Variants in PRKN observed in about 807,000 individuals in gnomAD.
PRKN encodes E3 ubiquitin-protein ligase parkin.
In PRKN, 56 loss-of-function variants were observed where a neutral mutation model predicts 59.5. The observed-to-expected ratio is 0.94, with a 90% CI of 0.76 to 1.18. The LOEUF is 1.18. Among genes scored for constraint, PRKN ranks in the 50% most tolerant of loss-of-function variants. The pLI is 0.00. For missense variants in PRKN, 657 were observed against 596.4 expected, an observed-to-expected ratio of 1.10 and a Z score of -1.06; for synonymous variants, 250 against 222.1, an observed-to-expected ratio of 1.13 and a Z score of -1.12.
intron 1 of PRKN, among the ~76,000 whole-genome samples, chr6:162,561,429 C>T (rs1342195518): frequency 1.3e-5 from 2 of 152,030 alleles, no homozygotes; most frequent in South Asian, 2.1e-4. Context: ...GTTCGTCCCC[C>T]GACCCCGCAA....
Position 161,605,301 on chromosome 6 carries a change from G to A in PRKN, c.872-35885C>T, listed in dbSNP as rs75962702. On this transcript the variant is annotated intron_variant, in intron 7 of 11. Transcript: ENST00000366898. The stretch of plus-strand genomic sequence containing the variant: ...AAAACATATATACAGCTATGTACCC[G>A]TATGTGTATATGTGCATATATATTA... Among the ~76,000 whole-genome samples, 950 of 152,154 alleles carry A rather than the reference G, an allele frequency of 6.2e-3. 23 individuals are homozygous for A. In the East Asian group the frequency reaches 0.072, roughly 12 times the overall value.
intron 5 of PRKN, among the ~76,000 whole-genome samples, chr6:161,989,990 C>T (rs1474557352): frequency 1.3e-5 from 2 of 152,248 alleles, no homozygotes; most frequent in Non-Finnish European, 2.9e-5. Context: ...CTGGTGCCTG[C>T]ATATGCTGAC....
intron 6 of PRKN, among the ~76,000 whole-genome samples, chr6:161,812,263 T>C (rs1330986284): frequency 6.6e-6 from 1 of 151,882 alleles, no homozygotes; most frequent in East Asian, 1.9e-4. Flanking sequence ...TGTGGTGGTG[T>C]TTGCCTGTAG....
Position 161,548,221 on chromosome 6 carries a change from A to G in PRKN, c.1083+633T>C, listed in dbSNP as rs1779863452. On this transcript the variant is annotated intron_variant, in intron 9 of 11. Transcript: ENST00000366898. This position sits in a 1 kb window ranked among gnomAD's most constrained non-coding sequence, Gnocchi z 4.2. ...TAGTAAGCCTTTTTGTGTTTGAGTT[A>G]TGCTTCTTCCCCCCTTGAGCCATCA... Among the ~76,000 whole-genome samples, 1 of 152,134 alleles carries G rather than the reference A, an allele frequency of 6.6e-6. No homozygotes were observed. Among genetic ancestry groups the G allele is most frequent in the African/African-American group, 2.4e-5 (1 of 41,436 alleles).
chr6:162,561,652 T>C lies in PRKN; in HGVS notation c.8-118179A>G, dbSNP rs74638000. The stretch of plus-strand genomic sequence containing the variant: ...GGGGGCGAAGAGCATCTCTGGGCAC[T>C]AGGGGAGGGAGAACACAGCAATTGT... On this transcript the variant is annotated intron_variant, in intron 1 of 11. Coordinates refer to ENST00000366898, the MANE Select transcript of PRKN (RefSeq NM_004562.3). 4.3e-3 allele frequency among the ~76,000 whole-genome samples: 652 copies of C among 152,214 alleles called. 6 individuals are homozygous for C. The highest frequency in any genetic ancestry group is 0.015 in the African/African-American group (621 of 41,522).
chr6:161,357,623 G>T lies in PRKN; in HGVS notation c.1285+2465C>A, dbSNP rs1784812633. On this transcript the variant is annotated intron_variant, in intron 11 of 11. Transcript: ENST00000366898. This position sits in a 1 kb window ranked among gnomAD's most constrained non-coding sequence, Gnocchi z 5.5. Reference sequence around the variant, plus strand: ...CATAAAAAGAAATAAAGTCCTCTTTGGTCCTGTTATGCCTAGAGCTACTCA... The same window carrying T: ...CATAAAAAGAAATAAAGTCCTCTTTTGTCCTGTTATGCCTAGAGCTACTCA... Among the ~76,000 whole-genome samples, 1 of 152,190 alleles carries T rather than the reference G, an allele frequency of 6.6e-6. No homozygotes were observed. Among genetic ancestry groups the T allele is most frequent in the Non-Finnish European group, 1.5e-5 (1 of 68,030 alleles).
At chr6:162,561,440 G>A (rs1312268351) in intron 1 of PRKN, among the ~76,000 whole-genome samples, 3 of 151,912 alleles carry the variant, frequency 2.0e-5, no homozygotes, top group Non-Finnish European at 4.4e-5. Context: ...GACCCCGCAA[G>A]GACACCAAGT....
intron 1 of PRKN, among the ~76,000 whole-genome samples, chr6:162,580,148 T>A (rs1216796242): frequency 6.6e-6 from 1 of 152,152 alleles, no homozygotes; most frequent in Non-Finnish European, 1.5e-5. Flanking sequence ...GCTTTGAAAG[T>A]AACATTGGCT....
intron 1 of PRKN, among the ~76,000 whole-genome samples, chr6:162,490,884 A>G (rs925524808): frequency 5.8e-4 from 89 of 152,300 alleles, no homozygotes; most frequent in Non-Finnish European, 9.3e-4. Flanking sequence ...CTGTAATCCC[A>G]GCACTTTGGG....
chr6:161,900,146 A>G (rs971457167), intron 6 of PRKN, among the ~76,000 whole-genome samples: 2 of 151,858 alleles, frequency 1.3e-5, no homozygotes, highest in South Asian at 2.1e-4. Flanking sequence ...AAATAAAAAT[A>G]TAGATAATCG....
chr6:161,662,935 A>C (rs987811700), intron 7 of PRKN, among the ~76,000 whole-genome samples: 30 of 152,232 alleles, frequency 2.0e-4, no homozygotes, highest in African/African-American at 7.0e-4. Context: ...TGTAGCTCCC[A>C]TAATCCCCAC....
intron 4 of PRKN, among the ~76,000 whole-genome samples, chr6:162,075,047 A>G (rs1051103742): frequency 2.7e-5 from 4 of 149,832 alleles, no homozygotes; most frequent in African/African-American, 1.0e-4. Context: ...GAACCATATG[A>G]TTATCTTCGT....
intron 1 of PRKN, among the ~76,000 whole-genome samples, chr6:162,518,805 T>C (rs1777971110): frequency 6.6e-6 from 1 of 152,192 alleles, no homozygotes; most frequent in Non-Finnish European, 1.5e-5. Flanking sequence ...TAATTTGAAT[T>C]ATTCACAACA....
chr6:161,688,156 T>G (rs1176963151), intron 7 of PRKN, among the ~76,000 whole-genome samples: 2 of 152,244 alleles, frequency 1.3e-5, no homozygotes, highest in Non-Finnish European at 2.9e-5. Flanking sequence ...TGAATTAGAC[T>G]GGATCTTAAG....
At chr6:162,727,274 A>C in intron 1 of PRKN, 1 of 204,096 alleles carries the variant, frequency 4.9e-6, no homozygotes, top group Non-Finnish European at 9.3e-6. Context: ...ACAACCGGCC[A>C]GTGAGGTGAG....
At chr6:161,700,214 C>A (rs139439389) in intron 7 of PRKN, among the ~76,000 whole-genome samples, 3 of 152,178 alleles carry the variant, frequency 2.0e-5, no homozygotes, top group Non-Finnish European at 2.9e-5. Flanking sequence ...CCTCTTAATT[C>A]CTTCAACATA....
intron 4 of PRKN, among the ~76,000 whole-genome samples, chr6:162,110,170 T>C (rs992732705): frequency 3.9e-5 from 6 of 152,294 alleles, no homozygotes; most frequent in South Asian, 4.1e-4. Context: ...GTTCTCACTA[T>C]GGGAAAAGGT....
chr6:161,815,368 A>AT, intron 6 of PRKN, among the ~76,000 whole-genome samples: 1 of 152,370 alleles, frequency 6.6e-6, no homozygotes, highest in South Asian at 2.1e-4. Context: ...GTGTTCACCT[A>AT]TACAAAGAAA....
Position 161,446,612 on chromosome 6 carries a change from C to T in PRKN, c.1084-59735G>A, listed in dbSNP as rs1278964798. On this transcript the variant is annotated intron_variant, in intron 9 of 11. Coordinates refer to ENST00000366898, the MANE Select transcript of PRKN (RefSeq NM_004562.3). This position sits in a 1 kb window ranked among gnomAD's most constrained non-coding sequence, Gnocchi z 6.2. ...TTTAACCTTGTTAACCTGAACTGTACTTTAAGATTGAAACTAAATGCAGCC... is the reference window on the plus strand; with the variant it reads ...TTTAACCTTGTTAACCTGAACTGTATTTTAAGATTGAAACTAAATGCAGCC... 1.3e-5 allele frequency among the ~76,000 whole-genome samples: 2 copies of T among 152,168 alleles called. No individual in the cohort carries two copies. The highest frequency in any genetic ancestry group is 1.9e-4 in the East Asian group (1 of 5,192).
Sources: gnomAD v4.1 joint callset for allele counts (sites outside exome capture counted in the v4.1 genomes callset) on GRCh38, gnomAD v4.1.1 for gene constraint, Gnocchi (gnomAD v3.1) non-coding constraint, MANE v1.5 for transcripts, NCBI Gene and HGNC (gene_info 2026-07-23, HGNC 2026-07-21) for gene names.